The following SVEP1 variants were observed in gnomAD, a reference collection of about 807,000 sequenced individuals.
SVEP1 encodes sushi, von Willebrand factor type A, EGF and pentraxin domain containing 1.
A neutral mutation model predicts 367.3 loss-of-function variants in SVEP1; 164 were observed. That is an observed-to-expected ratio of 0.45 (90% CI 0.39 to 0.51). SVEP1 has a LOEUF of 0.51. Among genes scored for constraint, SVEP1 ranks in the 20% least tolerant of loss-of-function variants. SVEP1 has a pLI of 0.00. For missense variants in SVEP1, 4,117 were observed against 4,425.3 expected, an observed-to-expected ratio of 0.93 and a Z score of 1.98; for synonymous variants, 1,666 against 1,611.6, an observed-to-expected ratio of 1.03 and a Z score of -0.81.
At chr9:110,453,214 T>C (rs879623895) in intron 22 of SVEP1, among the ~76,000 whole-genome samples, 4 of 152,142 alleles carry the variant, frequency 2.6e-5, no homozygotes, top group Non-Finnish European at 5.9e-5. Context: ...TTTAGTATAA[T>C]AATGATGAGT....
chr9:110,459,208 A>T, intron 18 of SVEP1, 95 bp from the exon 19 acceptor site: 3 of 1,152,590 alleles, frequency 2.6e-6, no homozygotes, highest in Non-Finnish European at 3.7e-6. Flanking sequence ...AAACCTACTG[A>T]ATTATCTATA....
At chr9:110,530,820 A>G (rs1234206944) in intron 3 of SVEP1, among the ~76,000 whole-genome samples, 1 of 152,160 alleles carries the variant, frequency 6.6e-6, no homozygotes, top group African/African-American at 2.4e-5. Context: ...TACAGGTGTG[A>G]GCCACCGTGC....
intron 9 of SVEP1, among the ~76,000 whole-genome samples, chr9:110,485,918 T>C (rs1829269911): frequency 6.6e-6 from 1 of 152,208 alleles, no homozygotes; most frequent in Admixed American, 6.5e-5. Context: ...TGAACATATG[T>C]TCAATTTTTG....
chr9:110,536,331 T>A (rs1401606151), intron 3 of SVEP1, among the ~76,000 whole-genome samples: 1 of 151,950 alleles, frequency 6.6e-6, no homozygotes, highest in Non-Finnish European at 1.5e-5. Flanking sequence ...TCTACCTCTT[T>A]ATAGTTGAAT....
intron 45 of SVEP1, chr9:110,376,886 C>T (rs1336620347): frequency 6.4e-6 from 1 of 156,302 alleles, no homozygotes; most frequent in East Asian, 1.8e-4. Flanking sequence ...GCAAATATTA[C>T]CTGCAAAGTA....
At chr9:110,463,365 AAAG>A (rs1257877680) in intron 18 of SVEP1, among the ~76,000 whole-genome samples, 5 of 152,298 alleles carry the variant, frequency 3.3e-5, no homozygotes, top group Non-Finnish European at 7.4e-5. Flanking sequence ...TAAAATGTAC[AAAG>A]AATATATTAC....
At chr9:110,574,675 G>A (rs917756177) in intron 1 of SVEP1, among the ~76,000 whole-genome samples, 3 of 151,718 alleles carry the variant, frequency 2.0e-5, no homozygotes, top group African/African-American at 7.3e-5. Flanking sequence ...CTCATCAGAG[G>A]CTTGGAAAAG....
intron 14 of SVEP1, among the ~76,000 whole-genome samples, chr9:110,473,952 T>C (rs1829060884): frequency 6.6e-6 from 1 of 152,202 alleles, no homozygotes. Flanking sequence ...ACTGTGGGTA[T>C]TATAATTCTT....
At chr9:110,518,108 T>C (rs1221804888) in intron 3 of SVEP1, among the ~76,000 whole-genome samples, 1 of 152,110 alleles carries the variant, frequency 6.6e-6, no homozygotes, top group African/African-American at 2.4e-5. Context: ...TGAATAGGTA[T>C]TATGTGGGCA....
intron 12 of SVEP1, among the ~76,000 whole-genome samples, 163 bp from the exon 13 acceptor site, chr9:110,479,919 G>T (rs73655370): frequency 0.028 from 4,286 of 152,218 alleles, 193 homozygotes; most frequent in African/African-American, 0.098. Context: ...GGCATTAAAT[G>T]ATCATAATAA....
In SVEP1 at chr9:110,514,021, A is replaced by G. The variant is rs775370487; in HGVS notation, c.1050T>C (p.Ser350=). The G allele has an allele frequency of 6.2e-7, 1 of 1,612,348 alleles. No individual in the cohort carries two copies. ...CIPCPDENHT[S]PPGSTSPEDC... The stretch of plus-strand genomic sequence containing the variant: ...CTTCAGGGGATGTGCTTCCAGGTGG[A>G]GAGGTGTGATTTTCATCAGGACATG... The change falls in exon 4 of 48, where the codon TCT becomes TCC. Residue 350 remains serine (S), a synonymous_variant. Coordinates refer to ENST00000374469, the MANE Select transcript of SVEP1 (RefSeq NM_153366.4).
At chr9:110,528,156 G>GTGTGTATGTATATATATA in intron 3 of SVEP1, among the ~76,000 whole-genome samples, 4 of 33,940 alleles carry the variant, frequency 1.2e-4, no homozygotes, top group Non-Finnish European at 1.7e-4. Flanking sequence ...GTGTGTGTGT[G>GTGTGTATGTATATATATA]TATATATATA....
chr9:110,558,527 A>C (rs1830383311), intron 1 of SVEP1, among the ~76,000 whole-genome samples: 1 of 150,896 alleles, frequency 6.6e-6, no homozygotes, highest in South Asian at 2.1e-4. Context: ...AAAAAAAAAA[A>C]AAAAAGCATA....
chr9:110,544,645 C>T (rs1259869859), intron 3 of SVEP1, among the ~76,000 whole-genome samples: 2 of 151,986 alleles, frequency 1.3e-5, no homozygotes, highest in Admixed American at 6.6e-5. Context: ...TTTTAATTGA[C>T]GTGTAACAAC....
chr9:110,499,185 T>G lies in SVEP1; in HGVS notation c.1537A>C (p.Asn513His). Residue 513 changes from asparagine (N) to histidine (H), a missense_variant, in exon 7 of 48, where the codon AAC becomes CAC. Physicochemically the swap from Asn to His is moderately conservative, Grantham distance 68. Coordinates refer to ENST00000374469, the MANE Select transcript of SVEP1 (RefSeq NM_153366.4). ...AATTTGGCTGGCTGCTTGCCACAGT[T>G]GTGGGGGGATATGATGACATCTTTG... ...MPKDVIISPH[N>H]CGKQPAKFGT... is the part of the protein sequence containing the mutation. The G allele has an allele frequency of 1.9e-6, 3 of 1,613,464 alleles. No homozygotes were observed. The highest frequency in any genetic ancestry group is 2.5e-6 in the Non-Finnish European group (3 of 1,179,676).
intron 18 of SVEP1, among the ~76,000 whole-genome samples, chr9:110,460,675 C>A (rs1305388881): frequency 1.3e-5 from 2 of 152,014 alleles, no homozygotes; most frequent in African/African-American, 2.4e-5. Context: ...TTGCTTGAAC[C>A]CAGGAGGCAG....
At chr9:110,511,243 T>C (rs1385140424) in intron 5 of SVEP1, among the ~76,000 whole-genome samples, 1 of 152,206 alleles carries the variant, frequency 6.6e-6, no homozygotes, top group Non-Finnish European at 1.5e-5. Context: ...GGGTTGTGAG[T>C]ATTTTCAAAA....
At chr9:110,450,769 C>A (rs899447969) in intron 23 of SVEP1, among the ~76,000 whole-genome samples, 3 of 151,974 alleles carry the variant, frequency 2.0e-5, no homozygotes, top group African/African-American at 7.3e-5. Flanking sequence ...ACCACCATGC[C>A]CAGCCGATAA....
At chr9:110,429,880 C>T (rs1174200373) in intron 34 of SVEP1, 40 bp downstream of exon 34, 7 of 1,560,008 alleles carry the variant, frequency 4.5e-6, no homozygotes, top group Non-Finnish European at 6.2e-6. Flanking sequence ...AGTATGCCAT[C>T]AACATCTTCT....
Sources: gnomAD v4.1 joint callset for allele counts (sites outside exome capture counted in the v4.1 genomes callset) on GRCh38, gnomAD v4.1.1 for gene constraint, MANE v1.5 for transcripts, NCBI Gene and HGNC (gene_info 2026-07-23, HGNC 2026-07-21) for gene names.